The following SLC26A9 variants were observed in gnomAD, a reference collection of about 807,000 sequenced individuals.
SLC26A9 encodes the protein anion transporter/exchanger protein 9.
SLC26A9 carries 46 observed loss-of-function variants against 87.1 expected under a neutral mutation model. The ratio of observed to expected loss-of-function variants is 0.53; its 90% confidence interval spans 0.42 to 0.67. The LOEUF is 0.67. Among genes scored for constraint, SLC26A9 ranks in the 30% least tolerant of loss-of-function variants. SLC26A9 has a pLI of 0.00. For synonymous variants in SLC26A9, 437 were observed against 409.1 expected (o/e 1.07, Z -0.82); for missense variants, 927 against 1,018.3 (o/e 0.91, Z 1.22).
intron 12 of SLC26A9, 87 bp downstream of exon 12, chr1:205,926,448 T>C: frequency 9.0e-7 from 1 of 1,105,860 alleles, no homozygotes; most frequent in East Asian, 2.4e-5. Context: ...ACTAGAGGGT[T>C]CATTGTTAGG....
Position 205,932,014 on chromosome 1 carries a change from ATGC to A in SLC26A9, c.395_397del (p.Ser132del). 5 of 1,614,212 alleles carry A rather than the reference ATGC, an allele frequency of 3.1e-6. No homozygotes were observed. Among genetic ancestry groups the A allele is most frequent in the Non-Finnish European group, 4.2e-6 (5 of 1,180,014 alleles). On this transcript the variant is annotated inframe_deletion, in exon 5 of 21. Transcript: ENST00000367135. ...CTGCAGACAGATGTTACCCACCAGG[ATGC>A]TGATAACGGCAAAGGTACCTGTGGT...
intron 17 of SLC26A9, 70 bp downstream of exon 17, chr1:205,921,496 G>A: frequency 1.3e-6 from 2 of 1,520,574 alleles, no homozygotes; most frequent in Admixed American, 3.9e-5. Flanking sequence ...AGGGCTCCCA[G>A]GAAAGGGAAT....
chr1:205,922,994 G>C, intron 16 of SLC26A9, 88 bp downstream of exon 16: 1 of 1,277,210 alleles, frequency 7.8e-7, no homozygotes, highest in Non-Finnish European at 1.1e-6. Context: ...GGTGGGAAGC[G>C]GGGCCCCCAG....
intron 5 of SLC26A9, 34 bp downstream of exon 5, chr1:205,931,826 G>A: frequency 1.3e-6 from 2 of 1,594,842 alleles, no homozygotes; most frequent in African/African-American, 1.3e-5. Flanking sequence ...GTGGTCTGAT[G>A]CCCTTCTAGC....
In SLC26A9 at chr1:205,927,640, G is replaced by A. The variant is rs753453121; in HGVS notation, c.1102-35C>T. ...GGGGACAGGATTAGAAGCCAGTGTG[G>A]GGCTGGGGGGCACGGGGACCAAGTG... On this transcript the variant is annotated intron_variant, in intron 9 of 20. Coordinates refer to ENST00000367135, the MANE Select transcript of SLC26A9 (RefSeq NM_052934.4). The A allele has an allele frequency of 7.6e-6, 12 of 1,589,204 alleles. No individual in the cohort carries two copies. In the Admixed American group the frequency reaches 2.1e-4, roughly 27 times the overall value.
chr1:205,915,531 T>C lies in SLC26A9; in HGVS notation c.2329-127A>G, dbSNP rs868648144. ...AGAACAAAGCACCTGTGTGTGTGTG[T>C]GTGTGTGTGTGTGTGTGCGAGAGTG... On this transcript the variant is annotated intron_variant, in intron 20 of 20. Coordinates refer to ENST00000367135, the MANE Select transcript of SLC26A9 (RefSeq NM_052934.4). The C allele has an allele frequency of 2.4e-3, 2,822 of 1,177,058 alleles. 19 individuals are homozygous for C. The highest frequency in any genetic ancestry group is 0.015 in the South Asian group (1,070 of 71,046). 72.9% of individuals were successfully genotyped at this position (1,177,058 alleles called of 1,614,324 possible). A position where few individuals can be genotyped will look rare whatever the true frequency, so the allele number is the denominator to read the frequency against.
At chr1:205,935,345 T>A (rs1659465774) in intron 2 of SLC26A9, 1 of 174,874 alleles carries the variant, frequency 5.7e-6, no homozygotes, top group South Asian at 1.8e-4. Flanking sequence ...GAACAGGGCA[T>A]GGAGTAAGGG....
intron 1 of SLC26A9, among the ~76,000 whole-genome samples, 171 bp downstream of exon 1, chr1:205,943,194 G>A (rs1385504443): frequency 2.0e-5 from 3 of 152,204 alleles, no homozygotes; most frequent in Non-Finnish European, 4.4e-5. Flanking sequence ...GCTCCTCAGA[G>A]GGGAAGGGCT....
In SLC26A9 at chr1:205,917,278, C is replaced by G; in HGVS notation, c.2328+5G>C. 1 of 1,613,984 alleles carries G rather than the reference C, an allele frequency of 6.2e-7. No homozygotes were observed. The highest frequency in any genetic ancestry group is 8.5e-7 in the Non-Finnish European group (1 of 1,179,960). Reference sequence around the variant, plus strand: ...CCACCCTCACAGCCCCTTCCCTCAGCTCACCTGCTCTAAGTCCCAGTAGCT... The same window carrying G: ...CCACCCTCACAGCCCCTTCCCTCAGGTCACCTGCTCTAAGTCCCAGTAGCT... On this transcript the variant is annotated splice_donor_5th_base_variant and intron_variant, in intron 20 of 20. Coordinates refer to ENST00000367135, the MANE Select transcript of SLC26A9 (RefSeq NM_052934.4).
intron 6 of SLC26A9, among the ~76,000 whole-genome samples, chr1:205,929,691 T>C (rs1659228607): frequency 6.6e-6 from 1 of 152,162 alleles, no homozygotes; most frequent in African/African-American, 2.4e-5. Context: ...TACAGCTCTT[T>C]TCTGCAGGGA....
At chr1:205,939,733 C>T (rs572877658) in intron 1 of SLC26A9, among the ~76,000 whole-genome samples, 25 of 152,004 alleles carry the variant, frequency 1.6e-4, no homozygotes, top group African/African-American at 5.6e-4. Context: ...GGGTGTCTCA[C>T]GATGCCAGAT....
Position 205,920,189 on chromosome 1 carries a change from C to T in SLC26A9, c.2097G>A (p.Leu699=), listed in dbSNP as rs768990136. 1 of 1,613,984 alleles carries T rather than the reference C, an allele frequency of 6.2e-7. No individual in the cohort carries two copies. The highest frequency in any genetic ancestry group is 8.5e-7 in the Non-Finnish European group (1 of 1,179,910). ...TYGKIGVKVF[L]VNIHAQVYND... Reference sequence around the variant, plus strand: ...TCTTTCTCTTACCATGGATGTTCACCAAGAAGACCTTCACGCCGATCTTCC... The same window carrying T: ...TCTTTCTCTTACCATGGATGTTCACTAAGAAGACCTTCACGCCGATCTTCC... The change falls in exon 18 of 21, where the codon TTG becomes TTA. Residue 699 remains leucine, a synonymous_variant. Coordinates refer to ENST00000367135, the MANE Select transcript of SLC26A9 (RefSeq NM_052934.4).
At chr1:205,933,594 C>G (rs1050709370) in intron 2 of SLC26A9, among the ~76,000 whole-genome samples, 2 of 152,212 alleles carry the variant, frequency 1.3e-5, no homozygotes. Context: ...CACCTCGAGC[C>G]TTGCACAGGG....
rs777330337 is a variant in SLC26A9 at position 205,921,806 on chromosome 1, C to T, written c.1815G>A (p.Ala605=). Residue 605 remains alanine (A), a synonymous_variant, in exon 17 of 21, where the codon GCG becomes GCA. Coordinates refer to ENST00000367135, the MANE Select transcript of SLC26A9 (RefSeq NM_052934.4). ...LQELQQDFEN[A]PPTDPNNNQT... is the part of the protein sequence containing the mutation. ...GGTTGTTGTTGGGGTCGGTGGGGGG[C>T]GCATTCTCAAAGTCCTGCTGCAGCT... 20 of 1,606,476 alleles carry T rather than the reference C, an allele frequency of 1.2e-5. No homozygotes were observed. The highest frequency in any genetic ancestry group is 9.4e-5 in the African/African-American group (7 of 74,806).
chr1:205,926,119 T>A (rs1048116031), intron 12 of SLC26A9, among the ~76,000 whole-genome samples: 14 of 152,354 alleles, frequency 9.2e-5, no homozygotes, highest in East Asian at 1.9e-4. Context: ...GGTTTTTTTT[T>A]AAAATACAAA....
intron 2 of SLC26A9, 31 bp downstream of exon 2, chr1:205,935,665 G>A (rs935716357): frequency 1.9e-6 from 3 of 1,613,514 alleles, no homozygotes; most frequent in East Asian, 2.2e-5. Flanking sequence ...GGGAGCAGAG[G>A]AGGCAGAAGT....
chr1:205,917,449 G>C, intron 19 of SLC26A9, 95 bp from the exon 20 acceptor site: 1 of 1,186,808 alleles, frequency 8.4e-7, no homozygotes, highest in Non-Finnish European at 1.3e-6. Context: ...GCCGGCTCTG[G>C]TTGGACGCTG....
intron 8 of SLC26A9, 157 bp from the exon 9 acceptor site, chr1:205,928,206 T>C (rs1659161730): frequency 2.4e-6 from 2 of 834,932 alleles, no homozygotes; most frequent in African/African-American, 1.7e-5. Context: ...CACCACCCCA[T>C]AGGGTAGGGA....
intron 17 of SLC26A9, among the ~76,000 whole-genome samples, chr1:205,920,658 C>T (rs928693799): frequency 9.2e-5 from 14 of 152,152 alleles, no homozygotes; most frequent in Admixed American, 7.2e-4. Flanking sequence ...CGTCACCACA[C>T]CTGGCTAATT....
Sources: gnomAD v4.1 joint callset for allele counts (sites outside exome capture counted in the v4.1 genomes callset) on GRCh38, gnomAD v4.1.1 for gene constraint, MANE v1.5 for transcripts, NCBI Gene and HGNC (gene_info 2026-07-23, HGNC 2026-07-21) for gene names.